SF3B3: variants seen among roughly 807,000 people sequenced by gnomAD.
The protein encoded by SF3B3 is SAP 130.
A neutral mutation model predicts 139.2 loss-of-function variants in SF3B3; 33 were observed. That is an observed-to-expected ratio of 0.24 (90% CI 0.18 to 0.32). The LOEUF is 0.32. SF3B3 is among the 10% of genes least tolerant of loss of function. The probability of loss-of-function intolerance (pLI) is 1.00; values close to 1 mark genes in which losing one functional copy is unlikely to be tolerated. For synonymous variants in SF3B3, 596 were observed against 563.6 expected (o/e 1.06, Z -0.81); for missense variants, 818 against 1,509.4 (o/e 0.54, Z 7.59).
In SF3B3 at chr16:70,530,104, C is replaced by T. The variant is rs899002285; in HGVS notation, c.398-641C>T. Reference sequence around the variant, plus strand: ...TAGCGCTACTGCACTCCAGCCCGGACGACAGAGTGAGACTGCATCTCAAAA... The same window carrying T: ...TAGCGCTACTGCACTCCAGCCCGGATGACAGAGTGAGACTGCATCTCAAAA... On this transcript the variant is annotated intron_variant, in intron 3 of 25. Coordinates refer to ENST00000302516, the MANE Select transcript of SF3B3 (RefSeq NM_012426.5). 8.7e-5 allele frequency among the ~76,000 whole-genome samples: 13 copies of T among 149,328 alleles called. No homozygotes were observed. The East Asian group carries it at 1.6e-3, about 18-fold the overall frequency.
chr16:70,538,230 A>G (rs2050187024), intron 6 of SF3B3, 93 bp from the exon 7 acceptor site: 3 of 1,174,694 alleles, frequency 2.6e-6, no homozygotes. Flanking sequence ...TAGGCCTTTA[A>G]TGTCATTTGT....
In SF3B3 at chr16:70,555,156, G is replaced by C. The variant is rs1473352110; in HGVS notation, c.1660G>C (p.Val554Leu). 6.2e-7 allele frequency: 1 copy of C among 1,614,170 alleles called. No homozygotes were observed. Among genetic ancestry groups the C allele is most frequent in the Admixed American group, 1.7e-5 (1 of 60,026 alleles). ...IVKCAVNQRQ[V>L]VIALTGGELV... ...GAAGTGTGCAGTGAACCAGCGACAAGTGGTGATTGCCCTGACAGGAGGAGA... is the reference window on the plus strand; with the variant it reads ...GAAGTGTGCAGTGAACCAGCGACAACTGGTGATTGCCCTGACAGGAGGAGA... The change falls in exon 13 of 26, where the codon GTG becomes CTG. Residue 554 changes from valine to leucine, a missense_variant. Physicochemically the swap from Val to Leu is conservative, Grantham distance 32. Around this residue, in one of 14 missense-constraint regions of SF3B3, gnomAD observed 170 missense variants for 353.0 expected, o/e 0.48. Transcript: ENST00000302516.
chr16:70,523,821 T>G lies in SF3B3; in HGVS notation c.-178T>G. 1.8e-6 allele frequency: 1 copy of G among 567,274 alleles called. No homozygotes were observed. Among genetic ancestry groups the G allele is most frequent in the South Asian group, 2.3e-5 (1 of 42,864 alleles). 35.1% of individuals were successfully genotyped at this position (567,274 alleles called of 1,614,324 possible). A position where few individuals can be genotyped will look rare whatever the true frequency, so the allele number is the denominator to read the frequency against. On this transcript the variant is annotated 5_prime_UTR_variant, in exon 1 of 26. Coordinates refer to ENST00000302516, the MANE Select transcript of SF3B3 (RefSeq NM_012426.5). ...CCGCCGCGCGCCACCAGAATGTCCC[T>G]GTCTTGAGGTCTAATGGCGGACGCC... is the stretch of plus-strand genomic sequence containing the variant.
Position 70,528,926 on chromosome 16 carries a change from C to T in SF3B3, c.124C>T (p.Arg42Cys). ...VSRGKILELL[R>C]PDPNTGKVHT... ...CCGTGGGAAGATCTTGGAGCTGCTT[C>T]GCCCAGACCCCAACACTGGCAAAGT... Residue 42 changes from arginine to cysteine, a missense_variant, in exon 3 of 26, where the codon CGC becomes TGC. By Grantham distance (180) the Arg-to-Cys change is radical (BLOSUM62 -3). Coordinates refer to ENST00000302516, the MANE Select transcript of SF3B3 (RefSeq NM_012426.5). 1.9e-6 allele frequency: 3 copies of T among 1,613,986 alleles called. No homozygotes were observed. Among genetic ancestry groups the T allele is most frequent in the South Asian group, 1.1e-5 (1 of 91,070 alleles).
At chr16:70,550,492 G>C (rs2050313213) in intron 11 of SF3B3, 1 of 173,044 alleles carries the variant, frequency 5.8e-6, no homozygotes, top group Non-Finnish European at 1.1e-5. Flanking sequence ...ATACAGGTCG[G>C]GTTCTGTTGG....
At chr16:70,542,630 C>A (rs1345079951) in intron 9 of SF3B3, among the ~76,000 whole-genome samples, 2 of 152,088 alleles carry the variant, frequency 1.3e-5, no homozygotes, top group Non-Finnish European at 2.9e-5. Context: ...TTAAACCCAT[C>A]TGAAATTAAT....
At chr16:70,541,025 T>G (rs2151782128) in intron 8 of SF3B3, among the ~76,000 whole-genome samples, 1 of 152,316 alleles carries the variant, frequency 6.6e-6, no homozygotes, top group East Asian at 1.9e-4. Context: ...CCACCAAACT[T>G]TCTCATAGCA....
In SF3B3 at chr16:70,573,654, T is replaced by C. The variant is rs2050550268; in HGVS notation, c.*1841T>C. 1 of 152,218 alleles carries C rather than the reference T, an allele frequency of 6.6e-6. No homozygotes were observed. The highest frequency in any genetic ancestry group is 2.1e-4 in the South Asian group (1 of 4,834). 9.4% of individuals were successfully genotyped at this position (152,218 alleles called of 1,614,324 possible). A position where few individuals can be genotyped will look rare whatever the true frequency, so the allele number is the denominator to read the frequency against. On this transcript the variant is annotated 3_prime_UTR_variant, in exon 26 of 26. Coordinates refer to ENST00000302516, the MANE Select transcript of SF3B3 (RefSeq NM_012426.5). ...GGATGTGACTCAATGACAAGTCCCATCTGTGTAATTGTTAAGGGGACCTGA... is the reference window on the plus strand; with the variant it reads ...GGATGTGACTCAATGACAAGTCCCACCTGTGTAATTGTTAAGGGGACCTGA...
chr16:70,545,495 A>G (rs904987796), intron 10 of SF3B3, among the ~76,000 whole-genome samples: 14 of 152,212 alleles, frequency 9.2e-5, no homozygotes, highest in South Asian at 2.1e-4. Context: ...CTTGAATCCC[A>G]TATTCTCTGT....
chr16:70,576,360 TCA>T lies in SF3B3; in HGVS notation c.*4548_*4549del, dbSNP rs2151798251. 1 of 128,090 alleles carries T rather than the reference TCA, an allele frequency of 7.8e-6. No homozygotes were observed. Among genetic ancestry groups the T allele is most frequent in the South Asian group, 2.7e-4 (1 of 3,706 alleles). 7.9% of individuals were successfully genotyped at this position (128,090 alleles called of 1,614,324 possible). A position where few individuals can be genotyped will look rare whatever the true frequency, so the allele number is the denominator to read the frequency against. On this transcript the variant is annotated 3_prime_UTR_variant, in exon 26 of 26. Transcript: ENST00000302516. ...GGCGGTGCCCAGAGGCAAGCCCCCTTCAGTTTCCCACCTCTCACTCTGCCTTC... is the reference window on the plus strand; with the variant it reads ...GGCGGTGCCCAGAGGCAAGCCCCCTTGTTTCCCACCTCTCACTCTGCCTTC...
chr16:70,536,086 T>C (rs1177727389), intron 6 of SF3B3, among the ~76,000 whole-genome samples: 1 of 152,124 alleles, frequency 6.6e-6, no homozygotes, highest in Non-Finnish European at 1.5e-5. Context: ...TTTATATTCA[T>C]ATTTCTCTCA....
chr16:70,570,468 A>C (rs1254020851), intron 24 of SF3B3, among the ~76,000 whole-genome samples: 1 of 151,084 alleles, frequency 6.6e-6, no homozygotes, highest in African/African-American at 2.4e-5. Flanking sequence ...GTAGCTGGGA[A>C]TACAGGCGCC....
chr16:70,553,515 A>C (rs896098997), intron 11 of SF3B3, among the ~76,000 whole-genome samples: 3 of 152,128 alleles, frequency 2.0e-5, no homozygotes, highest in African/African-American at 7.2e-5. Context: ...GGGGTGTTAA[A>C]ACAAAAATTC....
chr16:70,529,006 T>C lies in SF3B3; in HGVS notation c.204T>C (p.Phe68=). 3 of 1,614,240 alleles carry C rather than the reference T, an allele frequency of 1.9e-6. No individual in the cohort carries two copies. Among genetic ancestry groups the C allele is most frequent in the Non-Finnish European group, 2.5e-6 (3 of 1,180,036 alleles). ...GTGTTATCCGGTCACTCATGGCCTTTAGGCTGACAGGTGGCACCAAAGACT... is the reference window on the plus strand; with the variant it reads ...GTGTTATCCGGTCACTCATGGCCTTCAGGCTGACAGGTGGCACCAAAGACT... ...VFGVIRSLMA[F]RLTGGTKDYI... is the part of the protein sequence containing the mutation. The change falls in exon 3 of 26, where the codon TTT becomes TTC. Residue 68 remains phenylalanine (F), a synonymous_variant. Coordinates refer to ENST00000302516, the MANE Select transcript of SF3B3 (RefSeq NM_012426.5).
At chr16:70,536,004 A>G (rs1290833316) in intron 6 of SF3B3, among the ~76,000 whole-genome samples, 1 of 152,174 alleles carries the variant, frequency 6.6e-6, no homozygotes, top group Non-Finnish European at 1.5e-5. Context: ...ACATTTTCCT[A>G]CATTACCAGA....
chr16:70,539,011 A>G, intron 7 of SF3B3, 93 bp from the exon 8 acceptor site: 2 of 913,172 alleles, frequency 2.2e-6, no homozygotes, highest in Non-Finnish European at 3.7e-6. Flanking sequence ...GATATGAAAT[A>G]CAGTATTTTA....
chr16:70,557,954 A>G (rs8053436), intron 15 of SF3B3, among the ~76,000 whole-genome samples: 52,010 of 151,988 alleles, frequency 0.34, 9,456 homozygotes, highest in South Asian at 0.61. Flanking sequence ...TCTTTCCCCC[A>G]ATGTGGCTTT....
At position 70,531,871 on chromosome 16, in the gene SF3B3, G is replaced by C. The variant is rs1297943417; in HGVS notation, c.571-608G>C. ...TTTGGAGATTGCAGTTCTCGTTCTAGCTCTGCCATTATCTTATAGCATAAA... is the reference window on the plus strand; with the variant it reads ...TTTGGAGATTGCAGTTCTCGTTCTACCTCTGCCATTATCTTATAGCATAAA... On this transcript the variant is annotated intron_variant, in intron 4 of 25. Coordinates refer to ENST00000302516, the MANE Select transcript of SF3B3 (RefSeq NM_012426.5). 2.0e-5 allele frequency among the ~76,000 whole-genome samples: 3 copies of C among 152,248 alleles called. No individual in the cohort carries two copies. The East Asian group carries it at 5.8e-4, about 29-fold the overall frequency.
In SF3B3 at chr16:70,548,371, T is replaced by C; in HGVS notation, c.1331T>C (p.Val444Ala). The stretch of plus-strand genomic sequence containing the variant: ...GTGGCTTCCCTCTTCTCCTGTCAGG[T>C]GTCAGAAATGGCTGTTTCTGAGCTA... Reference protein sequence around the residue: ...SLRVLRHGLEVSEMAVSELPG... With the variant: ...SLRVLRHGLEASEMAVSELPG... The change falls in exon 11 of 26, where the codon GTG becomes GCG. Residue 444 changes from valine (V) to alanine (A), a missense_variant and splice_region_variant. By Grantham distance (64) the Val-to-Ala change is moderately conservative (BLOSUM62 0). Transcript: ENST00000302516. 1 of 1,613,856 alleles carries C rather than the reference T, an allele frequency of 6.2e-7. No individual in the cohort carries two copies. The highest frequency in any genetic ancestry group is 8.5e-7 in the Non-Finnish European group (1 of 1,179,770).
Sources: gnomAD v4.1 joint callset for allele counts (sites outside exome capture counted in the v4.1 genomes callset) on GRCh38, gnomAD v4.1.1 for gene constraint, gnomAD v4.1.1 regional missense constraint, MANE v1.5 for transcripts, NCBI Gene and HGNC (gene_info 2026-07-23, HGNC 2026-07-21) for gene names.